The following COL1A2 variants were observed in gnomAD, a reference collection of about 807,000 sequenced individuals.
COL1A2 encodes the protein collagen type I alpha 2 chain.
COL1A2 carries 49 observed loss-of-function variants against 174.3 expected under a neutral mutation model. The observed-to-expected ratio is 0.28, with a 90% CI of 0.22 to 0.36. The LOEUF (loss-of-function observed/expected upper bound fraction) is 0.36, where lower values mean the gene tolerates loss of function less well. Among genes scored for constraint, COL1A2 ranks in the 10% least tolerant of loss-of-function variants. The pLI is 1.00. For synonymous variants in COL1A2, 655 were observed against 606.6 expected (o/e 1.08, Z -1.17); for missense variants, 1,438 against 1,822.7 (o/e 0.79, Z 3.84).
chr7:94,416,220 C>T (rs1792039405), intron 30 of COL1A2, among the ~76,000 whole-genome samples, 185 bp from the exon 31 acceptor site: 1 of 152,150 alleles, frequency 6.6e-6, no homozygotes, highest in South Asian at 2.1e-4. Context: ...CTAAGTGACA[C>T]TTTAGAGAAT....
intron 19 of COL1A2, 134 bp downstream of exon 19, chr7:94,409,955 TTA>T (rs765454558): frequency 2.6e-5 from 24 of 909,402 alleles, no homozygotes; most frequent in South Asian, 4.3e-5. Flanking sequence ...TTTATATTTC[TTA>T]TATATATATG....
Position 94,404,824 on chromosome 7 carries a change from C to T in COL1A2, c.379-15C>T. On this transcript the variant is annotated splice_polypyrimidine_tract_variant and intron_variant, in intron 8 of 51. Coordinates refer to ENST00000297268, the MANE Select transcript of COL1A2 (RefSeq NM_000089.4). ...ATATAACCTTAGTGAAATGATGGGTCTCCCATTTTCTTAGGGTCCTGCAGG... is the reference window on the plus strand; with the variant it reads ...ATATAACCTTAGTGAAATGATGGGTTTCCCATTTTCTTAGGGTCCTGCAGG... 4 of 1,614,068 alleles carry T rather than the reference C, an allele frequency of 2.5e-6. No homozygotes were observed. Among genetic ancestry groups the T allele is most frequent in the African/African-American group, 2.7e-5 (2 of 75,020 alleles).
intron 11 of COL1A2, 39 bp from the exon 12 acceptor site, chr7:94,406,211 A>G (rs376473220): frequency 1.2e-6 from 2 of 1,600,060 alleles, no homozygotes; most frequent in Non-Finnish European, 8.6e-7. Context: ...ACCAAACACT[A>G]TCATGGAACA....
intron 26 of COL1A2, among the ~76,000 whole-genome samples, chr7:94,413,407 C>G (rs1791973154): frequency 6.6e-6 from 1 of 152,206 alleles, no homozygotes. Context: ...TATGTAGTAG[C>G]ATTCTCTGGC....
At chr7:94,412,748 ATTT>A in intron 25 of COL1A2, 66 bp downstream of exon 25, 1 of 1,352,726 alleles carries the variant, frequency 7.4e-7, no homozygotes, top group Non-Finnish European at 1.1e-6. Flanking sequence ...AAACTCTAGT[ATTT>A]ATCTCCTGCG....
chr7:94,414,134 T>C, intron 28 of COL1A2, 88 bp from the exon 29 acceptor site: 2 of 1,446,224 alleles, frequency 1.4e-6, no homozygotes, highest in Non-Finnish European at 1.9e-6. Flanking sequence ...ATGTTGATAT[T>C]TGGTAGCCAC....
intron 23 of COL1A2, among the ~76,000 whole-genome samples, chr7:94,411,505 G>A (rs545506602): frequency 2.0e-5 from 3 of 152,036 alleles, no homozygotes; most frequent in Admixed American, 6.6e-5. Context: ...TACATTTTTG[G>A]TTTATTAGAT....
intron 6 of COL1A2, among the ~76,000 whole-genome samples, chr7:94,402,857 A>G (rs1791714867): frequency 6.6e-6 from 1 of 152,178 alleles, no homozygotes. Flanking sequence ...GCCCACAGTA[A>G]GCTAATATAC....
At chr7:94,410,152 C>T (rs1268169840) in intron 19 of COL1A2, 90 bp from the exon 20 acceptor site, 2 of 1,361,660 alleles carry the variant, frequency 1.5e-6, no homozygotes, top group Non-Finnish European at 2.1e-6. Flanking sequence ...CTTCTCTTTA[C>T]CTTGACCCAC....
chr7:94,419,241 C>A (rs1792102384), intron 33 of COL1A2, among the ~76,000 whole-genome samples: 1 of 151,556 alleles, frequency 6.6e-6, no homozygotes. Context: ...GCGGAAAGTT[C>A]AGATCTCCCA....
intron 5 of COL1A2, 150 bp from the exon 6 acceptor site, chr7:94,401,417 A>G: frequency 3.5e-6 from 1 of 285,158 alleles, no homozygotes; most frequent in Non-Finnish European, 6.0e-6. Context: ...TTCAATATAG[A>G]ATTTTAAACT....
rs182279819 is a variant in COL1A2, at chr7:94,406,183, C to A, written c.541-67C>A. 9.3e-6 allele frequency: 14 copies of A among 1,509,630 alleles called. No homozygotes were observed. The African/African-American group carries it at 1.9e-4, about 21-fold the overall frequency. The allele number at this position is 1,509,630 out of a possible 1,614,324, so 93.5% of individuals were successfully genotyped here. The stretch of plus-strand genomic sequence containing the variant: ...AAGAGAGATTAATGGCAAAGATATA[C>A]AATACAATTTTTATTTGACCAAACA... On this transcript the variant is annotated intron_variant, in intron 11 of 51. Transcript: ENST00000297268.
At chr7:94,418,862 A>G (rs1480265649) in intron 33 of COL1A2, among the ~76,000 whole-genome samples, 1 of 151,764 alleles carries the variant, frequency 6.6e-6, no homozygotes, top group Non-Finnish European at 1.5e-5. Flanking sequence ...GCTTCAAGTG[A>G]TAACAGAGAT....
chr7:94,408,002 G>A, intron 13 of COL1A2, 111 bp downstream of exon 13: 1 of 1,228,992 alleles, frequency 8.1e-7, no homozygotes, highest in Non-Finnish European at 1.2e-6. Flanking sequence ...ATTCTTTGAT[G>A]TTTTTCTAAT....
rs1792221500 is a variant in COL1A2 at position 94,423,930 on chromosome 7, T to A, written c.2566-406T>A. 1.2e-5 allele frequency: 3 copies of A among 247,310 alleles called. No homozygotes were observed. The South Asian group carries it at 1.6e-4, about 13-fold the overall frequency. 15.3% of individuals were successfully genotyped at this position (247,310 alleles called of 1,614,324 possible). On this transcript the variant is annotated intron_variant, in intron 40 of 51. Transcript: ENST00000297268. Reference sequence around the variant, plus strand: ...TCCTTTGTGTATATACCCAGCAGTGTGATTGCTGGATCTTATGGTAGTTCT... The same window carrying A: ...TCCTTTGTGTATATACCCAGCAGTGAGATTGCTGGATCTTATGGTAGTTCT...
chr7:94,401,441 A>G (rs570800673), intron 5 of COL1A2, 126 bp from the exon 6 acceptor site: 69 of 340,264 alleles, frequency 2.0e-4, no homozygotes, highest in African/African-American at 1.5e-3. Context: ...AATTATATCA[A>G]AAACATTGCC....
intron 30 of COL1A2, 67 bp downstream of exon 30, chr7:94,415,337 C>T: frequency 7.3e-7 from 1 of 1,375,940 alleles, no homozygotes; most frequent in Non-Finnish European, 1.0e-6. Context: ...AGTGCTTTCT[C>T]CTTAAAGCCA....
intron 1 of COL1A2, among the ~76,000 whole-genome samples, chr7:94,396,471 G>A (rs184562586): frequency 1.1e-4 from 16 of 152,218 alleles, no homozygotes; most frequent in African/African-American, 3.1e-4. Flanking sequence ...TTGAGAGTGG[G>A]AGGAAAGAGT....
Position 94,409,379 on chromosome 7 carries a change from G to A in COL1A2, c.850G>A (p.Glu284Lys), listed in dbSNP as rs1054900983. The change falls in exon 17 of 52, where the codon GAA (glutamate) becomes AAA (lysine). Residue 284 changes from glutamate (E) to lysine (K), a missense_variant. Coordinates refer to ENST00000297268, the MANE Select transcript of COL1A2 (RefSeq NM_000089.4). ...TGCTGGTCCCGCCGGTCCCCGTGGT[G>A]AAGTGGGTCTTCCAGGCCTCTCCGG... Reference protein sequence around the residue: ...GPAGPAGPRGEVGLPGLSGPV... With the variant: ...GPAGPAGPRGKVGLPGLSGPV... 3.1e-6 allele frequency: 5 copies of A among 1,614,090 alleles called. No homozygotes were observed. In the African/African-American group the frequency reaches 4.0e-5, roughly 13 times the overall value.
Sources: allele counts gnomAD v4.1 joint callset (sites outside exome capture counted in the v4.1 genomes callset), GRCh38; gene constraint gnomAD v4.1.1; transcripts MANE v1.5; gene names NCBI Gene and HGNC (gene_info 2026-07-23, HGNC 2026-07-21).